Variants in TENM3 observed in about 807,000 individuals in gnomAD.
TENM3 encodes the protein teneurin transmembrane protein 3.
In TENM3, 63 loss-of-function variants were observed where a neutral mutation model predicts 255.1. The observed-to-expected ratio is 0.25, with a 90% CI of 0.20 to 0.30. The LOEUF (loss-of-function observed/expected upper bound fraction) is 0.30, where lower values mean the gene tolerates loss of function less well. Ranked by LOEUF, TENM3 falls within the 10% of genes least tolerant of loss-of-function variation. TENM3 has a pLI of 1.00. For missense variants in TENM3, 2,929 were observed against 3,461.1 expected, an observed-to-expected ratio of 0.85 and a Z score of 3.86; for synonymous variants, 1,306 against 1,322.3, an observed-to-expected ratio of 0.99 and a Z score of 0.27.
intron 3 of TENM3, among the ~76,000 whole-genome samples, chr4:182,497,301 T>G (rs1047681001): frequency 6.6e-6 from 1 of 152,106 alleles, no homozygotes; most frequent in African/African-American, 2.4e-5. Context: ...TCTGTCCGCC[T>G]CTACCTCCAA....
intron 3 of TENM3, among the ~76,000 whole-genome samples, chr4:182,477,382 C>T (rs1344264104): frequency 6.6e-6 from 1 of 152,150 alleles, no homozygotes; most frequent in Non-Finnish European, 1.5e-5. Context: ...TTCATTGAGA[C>T]CCTGCAAGAC....
intron 5 of TENM3, among the ~76,000 whole-genome samples, chr4:182,643,487 T>C (rs1313227996): frequency 1.3e-5 from 2 of 152,222 alleles, no homozygotes; most frequent in Non-Finnish European, 2.9e-5. Context: ...CATCATAGAA[T>C]ATAAATCTGG....
chr4:181,542,138 G>A, the TENM3 span, among the ~76,000 whole-genome samples: 1,228 of 152,288 alleles, frequency 8.1e-3, 8 homozygotes, highest in Non-Finnish European at 0.012. Context: ...TGCTATGACG[G>A]ATGCTATGGA....
chr4:181,607,491 T>G, the TENM3 span, among the ~76,000 whole-genome samples: 2 of 151,878 alleles, frequency 1.3e-5, no homozygotes. Flanking sequence ...CTCGGCTCAC[T>G]GCAACCTCCA....
At chr4:182,138,388 G>A in the TENM3 span, among the ~76,000 whole-genome samples, 6 of 152,200 alleles carry the variant, frequency 3.9e-5, no homozygotes, top group African/African-American at 1.4e-4. Context: ...CCAGGTTAAT[G>A]TCGAAAATCC....
At chr4:181,453,818 C>A in the TENM3 span, among the ~76,000 whole-genome samples, 1 of 152,136 alleles carries the variant, frequency 6.6e-6, no homozygotes, top group South Asian at 2.1e-4. Context: ...TTCAGGAACT[C>A]CCCTTGGCCA....
At chr4:182,110,049 G>A in the TENM3 span, among the ~76,000 whole-genome samples, 1 of 150,606 alleles carries the variant, frequency 6.6e-6, no homozygotes, top group African/African-American at 2.4e-5. Context: ...GGGAGGTGGA[G>A]GTTGCAGTGA....
chr4:181,561,945 T>G, the TENM3 span, among the ~76,000 whole-genome samples: 1 of 152,178 alleles, frequency 6.6e-6, no homozygotes, highest in African/African-American at 2.4e-5. Context: ...CCTGGATCCT[T>G]GCGAATTGTG....
chr4:181,530,964 T>G, the TENM3 span, among the ~76,000 whole-genome samples: 2 of 152,202 alleles, frequency 1.3e-5, no homozygotes, highest in African/African-American at 4.8e-5. Context: ...TACTTCCTTT[T>G]TTTTAATGTC....
At chr4:182,036,416 C>T in the TENM3 span, among the ~76,000 whole-genome samples, 1 of 152,252 alleles carries the variant, frequency 6.6e-6, no homozygotes, top group African/African-American at 2.4e-5. Flanking sequence ...GTCTGGAACT[C>T]CTGACCTCAG....
At chr4:182,025,363 A>G in the TENM3 span, among the ~76,000 whole-genome samples, 11 of 152,262 alleles carry the variant, frequency 7.2e-5, no homozygotes, top group East Asian at 2.1e-3. Context: ...ATAGTATTCC[A>G]TTGTGTGTAT....
chr4:182,375,602 C>A (rs150562563), intron 3 of TENM3, among the ~76,000 whole-genome samples: 29 of 152,136 alleles, frequency 1.9e-4, no homozygotes, highest in Middle Eastern at 6.8e-3. Context: ...AGTGCAGTGG[C>A]GCAGTCTCGG....
chr4:182,571,571 C>T (rs1476795076), intron 3 of TENM3, among the ~76,000 whole-genome samples: 3 of 152,146 alleles, frequency 2.0e-5, no homozygotes, highest in Admixed American at 2.0e-4. Flanking sequence ...CAAATTATAC[C>T]TTGTTTTCTT....
At chr4:182,395,811 G>A (rs898855932) in intron 3 of TENM3, among the ~76,000 whole-genome samples, 2 of 152,170 alleles carry the variant, frequency 1.3e-5, no homozygotes, top group African/African-American at 4.8e-5. Context: ...TGCCCCAGAT[G>A]TTAATTTTTC....
chr4:182,036,352 G>A, the TENM3 span, among the ~76,000 whole-genome samples: 40 of 152,136 alleles, frequency 2.6e-4, no homozygotes, highest in Non-Finnish European at 4.3e-4. Context: ...CACCATGCCC[G>A]GCTAATTTTT....
At chr4:181,871,364 T>A in the TENM3 span, among the ~76,000 whole-genome samples, 458 of 152,190 alleles carry the variant, frequency 3.0e-3, 3 homozygotes, top group Middle Eastern at 0.021. Flanking sequence ...CAATTTTGAG[T>A]CTTCCAATCC....
chr4:182,551,237 A>C (rs994345318), intron 3 of TENM3, among the ~76,000 whole-genome samples: 1 of 151,794 alleles, frequency 6.6e-6, no homozygotes, highest in Non-Finnish European at 1.5e-5. Flanking sequence ...AAAAAAAAAA[A>C]AAACCTTATA....
At chr4:181,805,697 T>A in the TENM3 span, among the ~76,000 whole-genome samples, 7 of 152,068 alleles carry the variant, frequency 4.6e-5, no homozygotes, top group Non-Finnish European at 1.0e-4. Flanking sequence ...GTGTCACCCA[T>A]TTGCAGCGGA....
chr4:181,745,679 C>T, the TENM3 span, among the ~76,000 whole-genome samples: 4 of 152,202 alleles, frequency 2.6e-5, no homozygotes, highest in Admixed American at 6.5e-5. Flanking sequence ...CTCACTTCTC[C>T]GTTTTATTTG....
Sources: allele counts gnomAD v4.1 joint callset (sites outside exome capture counted in the v4.1 genomes callset), GRCh38; gene constraint gnomAD v4.1.1; transcripts MANE v1.5; gene names NCBI Gene and HGNC (gene_info 2026-07-23, HGNC 2026-07-21).